SIGLEC15: variants seen among roughly 807,000 people sequenced by gnomAD.
SIGLEC15 encodes sialic acid-binding Ig-like lectin 15.
A neutral mutation model predicts 26.2 loss-of-function variants in SIGLEC15; 31 were observed. The observed-to-expected ratio is 1.18, with a 90% CI of 0.89 to 1.60. SIGLEC15 has a LOEUF of 1.60. Ranked by LOEUF, SIGLEC15 falls within the 40% of genes most tolerant of loss-of-function variation. The probability of loss-of-function intolerance (pLI) is 0.00; values close to 1 mark genes in which losing one functional copy is unlikely to be tolerated. For missense variants in SIGLEC15, 501 were observed against 488.4 expected, an observed-to-expected ratio of 1.03 and a Z score of -0.24; for synonymous variants, 207 against 221.9, an observed-to-expected ratio of 0.93 and a Z score of 0.60.
At chr18:45,827,778 G>A (rs1410124146) in intron 1 of SIGLEC15, among the ~76,000 whole-genome samples, 3 of 152,182 alleles carry the variant, frequency 2.0e-5, no homozygotes, top group Non-Finnish European at 4.4e-5. Flanking sequence ...CGAGGCTTTG[G>A]GGATTTTAGG....
chr18:45,827,585 T>C (rs1315645757), intron 1 of SIGLEC15, among the ~76,000 whole-genome samples: 5 of 152,222 alleles, frequency 3.3e-5, no homozygotes, highest in Non-Finnish European at 5.9e-5. Flanking sequence ...CTGCATGGCC[T>C]TGGGCAGGCT....
At chr18:45,829,138 C>T (rs1189159027) in intron 1 of SIGLEC15, 2 of 985,398 alleles carry the variant, frequency 2.0e-6, no homozygotes, top group Non-Finnish European at 2.4e-6. Context: ...TGGGCACAGG[C>T]CCCACAGCAG....
chr18:45,831,110 C>G (rs1366637602), intron 1 of SIGLEC15, among the ~76,000 whole-genome samples: 1 of 152,084 alleles, frequency 6.6e-6, no homozygotes, highest in Non-Finnish European at 1.5e-5. Flanking sequence ...CCGGACAGAC[C>G]CCTGACACCC....
rs370815592 is a variant in SIGLEC15 at position 45,832,585 on chromosome 18, C to T, written c.53-4444C>T. Reference sequence around the variant, plus strand: ...GTGCCAAAGCTAGCATGCTTCCCGCCATACCCTATGGCCCACCATTGAGGG... The same window carrying T: ...GTGCCAAAGCTAGCATGCTTCCCGCTATACCCTATGGCCCACCATTGAGGG... On this transcript the variant is annotated intron_variant, in intron 1 of 5. Transcript: ENST00000389474. Among the ~76,000 whole-genome samples the T allele has an allele frequency of 2.6e-5, 4 of 152,216 alleles. 1 individual carries two copies. In the East Asian group the frequency reaches 7.7e-4, roughly 29 times the overall value.
intron 1 of SIGLEC15, among the ~76,000 whole-genome samples, chr18:45,830,018 C>G (rs1225414669): frequency 6.6e-6 from 1 of 152,156 alleles, no homozygotes; most frequent in Non-Finnish European, 1.5e-5. Flanking sequence ...GTCTTTAATT[C>G]CAGGCATTAG....
At chr18:45,835,832 G>C (rs564109744) in intron 1 of SIGLEC15, among the ~76,000 whole-genome samples, 46 of 152,254 alleles carry the variant, frequency 3.0e-4, no homozygotes, top group Middle Eastern at 3.4e-3. Flanking sequence ...GGAGCCCCCA[G>C]GCTCAGGACA....
At chr18:45,831,406 C>T (rs1397848375) in intron 1 of SIGLEC15, among the ~76,000 whole-genome samples, 1 of 152,224 alleles carries the variant, frequency 6.6e-6, no homozygotes, top group Non-Finnish European at 1.5e-5. Context: ...ACAGAAACCA[C>T]ATTCTAGCTT....
At chr18:45,837,404 C>A (rs1173283323) in intron 2 of SIGLEC15, 109 bp from the exon 3 acceptor site, 9 of 1,368,018 alleles carry the variant, frequency 6.6e-6, no homozygotes, top group Admixed American at 3.4e-5. Context: ...CTGGGGTTTC[C>A]AGGCTAGGGG....
chr18:45,832,533 A>G (rs1476406895), intron 1 of SIGLEC15, among the ~76,000 whole-genome samples: 1 of 152,200 alleles, frequency 6.6e-6, no homozygotes, highest in East Asian at 1.9e-4. Context: ...GAATGGCCAG[A>G]GGTGGAATTG....
intron 1 of SIGLEC15, among the ~76,000 whole-genome samples, chr18:45,829,656 C>T (rs557148851): frequency 1.3e-5 from 2 of 152,274 alleles, no homozygotes; most frequent in African/African-American, 4.8e-5. Context: ...TGTTAGCATG[C>T]CCAGGTGCCC....
Position 45,837,483 on chromosome 18 carries a change from C to G in SIGLEC15, c.113-30C>G, listed in dbSNP as rs777651848. On this transcript the variant is annotated intron_variant, in intron 2 of 5. Transcript: ENST00000389474. ...TGCGGGCGCCTCGACCCCAGGGCCCCGAGCCTGACGCAGCCCGCCCCGCCC... is the reference window on the plus strand; with the variant it reads ...TGCGGGCGCCTCGACCCCAGGGCCCGGAGCCTGACGCAGCCCGCCCCGCCC... 1,019 of 1,448,324 alleles carry G rather than the reference C, an allele frequency of 7.0e-4. 1 individual carries two copies. Among genetic ancestry groups the G allele is most frequent in the Non-Finnish European group, 7.4e-4 (827 of 1,112,304 alleles). 89.7% of individuals were successfully genotyped at this position (1,448,324 alleles called of 1,614,324 possible).
At chr18:45,828,218 G>T (rs1213922789) in intron 1 of SIGLEC15, among the ~76,000 whole-genome samples, 1 of 152,184 alleles carries the variant, frequency 6.6e-6, no homozygotes, top group Non-Finnish European at 1.5e-5. Context: ...GCCAGTCGTG[G>T]TCCCTTCCCT....
At chr18:45,838,084 C>T (rs1027772865) in intron 3 of SIGLEC15, among the ~76,000 whole-genome samples, 188 bp downstream of exon 3, 1 of 152,194 alleles carries the variant, frequency 6.6e-6, no homozygotes, top group Non-Finnish European at 1.5e-5. Context: ...GACACAAATG[C>T]AGAATCCAGG....
chr18:45,841,350 A>G (rs2048323207), intron 5 of SIGLEC15, among the ~76,000 whole-genome samples: 1 of 152,174 alleles, frequency 6.6e-6, no homozygotes, highest in African/African-American at 2.4e-5. Context: ...AAAGGCAAGT[A>G]GAAAGACTCA....
chr18:45,826,950 T>C (rs1354193859), intron 1 of SIGLEC15, among the ~76,000 whole-genome samples: 2 of 152,188 alleles, frequency 1.3e-5, no homozygotes, highest in Admixed American at 6.5e-5. Flanking sequence ...AGTCCCACTC[T>C]GTCACCCAGG....
intron 1 of SIGLEC15, among the ~76,000 whole-genome samples, chr18:45,826,958 A>G (rs975218595): frequency 1.3e-5 from 2 of 152,218 alleles, no homozygotes; most frequent in Non-Finnish European, 1.5e-5. Flanking sequence ...TCTGTCACCC[A>G]GGCTGGAGTG....
At chr18:45,837,362 C>T (rs2048283700) in intron 2 of SIGLEC15, 151 bp from the exon 3 acceptor site, 3 of 1,241,934 alleles carry the variant, frequency 2.4e-6, no homozygotes, top group Non-Finnish European at 3.2e-6. Flanking sequence ...GGGGTTCCGG[C>T]TCCCCTGGAA....
intron 1 of SIGLEC15, among the ~76,000 whole-genome samples, chr18:45,827,138 A>C (rs962231968): frequency 6.6e-6 from 1 of 151,988 alleles, no homozygotes; most frequent in Non-Finnish European, 1.5e-5. Context: ...CTGGTCTCGA[A>C]CTCCTGACCT....
intron 1 of SIGLEC15, among the ~76,000 whole-genome samples, chr18:45,835,978 G>C (rs1293958561): frequency 6.6e-6 from 1 of 152,186 alleles, no homozygotes; most frequent in African/African-American, 2.4e-5. Context: ...ATGAGAAAGC[G>C]ATGTGCACAC....
Sources: allele counts gnomAD v4.1 joint callset (sites outside exome capture counted in the v4.1 genomes callset), GRCh38; gene constraint gnomAD v4.1.1; transcripts MANE v1.5; gene names NCBI Gene and HGNC (gene_info 2026-07-23, HGNC 2026-07-21).